The following RORA variants were observed in gnomAD, a reference collection of about 807,000 sequenced individuals.
RORA encodes the protein nuclear receptor ROR-alpha.
A neutral mutation model predicts 69.5 loss-of-function variants in RORA; 7 were observed. The ratio of observed to expected loss-of-function variants is 0.10; its 90% confidence interval spans 0.06 to 0.19. The LOEUF is 0.19. Ranked by LOEUF, RORA falls within the 10% of genes least tolerant of loss-of-function variation. The pLI, the probability that RORA is intolerant of heterozygous loss-of-function variation, is 1.00. For missense variants in RORA, 457 were observed against 663.0 expected, an observed-to-expected ratio of 0.69 and a Z score of 3.41; for synonymous variants, 261 against 240.8, an observed-to-expected ratio of 1.08 and a Z score of -0.78.
intron 1 of RORA, among the ~76,000 whole-genome samples, chr15:61,017,764 C>T (rs1454352756): frequency 1.3e-5 from 2 of 152,178 alleles, no homozygotes; most frequent in Non-Finnish European, 2.9e-5. Context: ...AAAATGATGA[C>T]GTGCCACAAA....
intron 1 of RORA, among the ~76,000 whole-genome samples, chr15:61,159,383 A>T (rs1483793811): frequency 6.6e-6 from 1 of 151,982 alleles, no homozygotes; most frequent in Non-Finnish European, 1.5e-5. Flanking sequence ...TGTACTTCCA[A>T]TTTTTTTTAC....
At chr15:61,130,685 G>A (rs1432000061) in intron 1 of RORA, among the ~76,000 whole-genome samples, 1 of 152,160 alleles carries the variant, frequency 6.6e-6, no homozygotes, top group Non-Finnish European at 1.5e-5. Flanking sequence ...AAAAACACAG[G>A]TAAATGATTT....
chr15:61,042,461 C>T (rs1896827209), intron 1 of RORA, among the ~76,000 whole-genome samples: 1 of 152,194 alleles, frequency 6.6e-6, no homozygotes, highest in Non-Finnish European at 1.5e-5. Context: ...ATACTACCCG[C>T]TGGAGTACGG....
chr15:60,932,035 T>A (rs1892389281), intron 1 of RORA, among the ~76,000 whole-genome samples: 1 of 150,456 alleles, frequency 6.6e-6, no homozygotes, highest in Admixed American at 6.6e-5. Flanking sequence ...AATCAAGAGT[T>A]TTTTTTTTTA....
At chr15:60,559,000 T>G (rs573940776) in intron 2 of RORA, among the ~76,000 whole-genome samples, 6 of 152,270 alleles carry the variant, frequency 3.9e-5, no homozygotes, top group African/African-American at 1.4e-4. Context: ...TATTTTTTAT[T>G]TGATATTACA....
At position 60,825,723 on chromosome 15, in the gene RORA, C is replaced by G. The variant is rs945621859; in HGVS notation, c.167-147037G>C. On this transcript the variant is annotated intron_variant, in intron 1 of 10. Transcript: ENST00000335670. ...CCTGACTCTCCCAGAACCTCCTCTT[C>G]TGTGACATACAGGAATTGGGTTAGC... Among the ~76,000 whole-genome samples the G allele has an allele frequency of 5.9e-5, 9 of 152,346 alleles. 1 individual carries two copies. Among genetic ancestry groups the G allele is most frequent in the Non-Finnish European group, 1.0e-4 (7 of 68,038 alleles).
At chr15:60,821,881 A>G (rs1466627544) in intron 1 of RORA, among the ~76,000 whole-genome samples, 2 of 152,252 alleles carry the variant, frequency 1.3e-5, no homozygotes, top group African/African-American at 4.8e-5. Context: ...AAAGTCACAC[A>G]GCTAGCATGT....
intron 1 of RORA, among the ~76,000 whole-genome samples, chr15:60,938,421 T>C (rs1056889743): frequency 1.3e-5 from 2 of 152,256 alleles, no homozygotes; most frequent in Non-Finnish European, 2.9e-5. Context: ...TATTCAAATA[T>C]AGTACCTGTG....
rs564332643 is a variant in RORA, at chr15:60,894,510, G to C, written c.167-215824C>G. ...ATTGGGCGTGGAGTCACAAACTGAG[G>C]ATTTTTGAGGGAGTAGGTGGTGGTT... On this transcript the variant is annotated intron_variant, in intron 1 of 10. Coordinates refer to ENST00000335670, the MANE Select transcript of RORA (RefSeq NM_134261.3). Among the ~76,000 whole-genome samples, 138 of 152,336 alleles carry C rather than the reference G, an allele frequency of 9.1e-4. 1 individual carries two copies. The highest frequency in any genetic ancestry group is 2.0e-3 in the Admixed American group (31 of 15,308).
chr15:61,120,991 G>A (rs1330479930), intron 1 of RORA, among the ~76,000 whole-genome samples: 1 of 151,664 alleles, frequency 6.6e-6, no homozygotes, highest in Non-Finnish European at 1.5e-5. Context: ...GGGATTACAG[G>A]CGCCTGCCAC....
In RORA at chr15:61,226,720, C is replaced by T. The variant is rs952672496; in HGVS notation, c.166+2333G>A. ...CTACTGCTGTGTTAGCTAAAGGATG[C>T]CTCCATCTCTGACCTTCCTTTTTCC... On this transcript the variant is annotated intron_variant, in intron 1 of 10. Coordinates refer to ENST00000335670, the MANE Select transcript of RORA (RefSeq NM_134261.3). The surrounding 1 kb of genome is among the most constrained non-coding windows in gnomAD (Gnocchi z 4.2). Among the ~76,000 whole-genome samples the T allele has an allele frequency of 2.0e-5, 3 of 152,240 alleles. No individual in the cohort carries two copies. The highest frequency in any genetic ancestry group is 4.4e-5 in the Non-Finnish European group (3 of 68,050).
At chr15:60,815,549 A>G (rs866069093) in intron 1 of RORA, among the ~76,000 whole-genome samples, 35 of 152,228 alleles carry the variant, frequency 2.3e-4, no homozygotes, top group African/African-American at 8.2e-4. Context: ...CCCAACTTAC[A>G]AACGTGGAAA....
At chr15:61,093,760 G>C (rs1001213464) in intron 1 of RORA, among the ~76,000 whole-genome samples, 1 of 152,174 alleles carries the variant, frequency 6.6e-6, no homozygotes, top group African/African-American at 2.4e-5. Context: ...CTAATCAACT[G>C]AGAAGGTGAA....
At chr15:61,146,652 C>T (rs2079352825) in intron 1 of RORA, among the ~76,000 whole-genome samples, 1 of 152,184 alleles carries the variant, frequency 6.6e-6, no homozygotes, top group Non-Finnish European at 1.5e-5. Context: ...TTACTCAAAG[C>T]TGCCTACAAG....
At chr15:60,865,882 T>A (rs1246968412) in intron 1 of RORA, among the ~76,000 whole-genome samples, 1 of 152,188 alleles carries the variant, frequency 6.6e-6, no homozygotes, top group African/African-American at 2.4e-5. Context: ...TCAGGGGTAA[T>A]GCTTTACGCC....
intron 3 of RORA, among the ~76,000 whole-genome samples, chr15:60,526,542 C>G (rs971768197): frequency 6.6e-6 from 1 of 152,190 alleles, no homozygotes; most frequent in Non-Finnish European, 1.5e-5. Context: ...CACAGCCCTA[C>G]CACTTGCGCA....
At chr15:60,945,546 T>G (rs574622448) in intron 1 of RORA, among the ~76,000 whole-genome samples, 1 of 152,208 alleles carries the variant, frequency 6.6e-6, no homozygotes, top group South Asian at 2.1e-4. Flanking sequence ...TTTTCACCAT[T>G]AGGGGAGGAA....
At chr15:60,812,645 A>T (rs2072759987) in intron 1 of RORA, among the ~76,000 whole-genome samples, 1 of 152,266 alleles carries the variant, frequency 6.6e-6, no homozygotes, top group Non-Finnish European at 1.5e-5. Flanking sequence ...TAGGAATAAC[A>T]TCAATAAATA....
At chr15:60,946,976 G>A (rs913925331) in intron 1 of RORA, among the ~76,000 whole-genome samples, 2 of 152,084 alleles carry the variant, frequency 1.3e-5, no homozygotes, top group Non-Finnish European at 1.5e-5. Context: ...GAGAAGTGAG[G>A]AGCCCCTCCG....
Sources: allele counts gnomAD v4.1 joint callset (sites outside exome capture counted in the v4.1 genomes callset), GRCh38; gene constraint gnomAD v4.1.1; non-coding constraint Gnocchi (gnomAD v3.1); transcripts MANE v1.5; gene names NCBI Gene and HGNC (gene_info 2026-07-23, HGNC 2026-07-21).